The following EXOC4 variants were observed in gnomAD, a reference collection of about 807,000 sequenced individuals.
EXOC4 encodes exocyst complex component 4.
EXOC4 carries 71 observed loss-of-function variants against 107.2 expected under a neutral mutation model. That is an observed-to-expected ratio of 0.66 (90% CI 0.55 to 0.81). EXOC4 has a LOEUF of 0.81. Ranked by LOEUF, EXOC4 falls within the 30% of genes least tolerant of loss-of-function variation. The probability of loss-of-function intolerance (pLI) is 0.00; values close to 1 mark genes in which losing one functional copy is unlikely to be tolerated. For synonymous variants in EXOC4, 456 were observed against 441.2 expected (o/e 1.03, Z -0.42); for missense variants, 1,108 against 1,189.6 (o/e 0.93, Z 1.01).
chr7:133,363,287 G>A (rs1286473156), intron 6 of EXOC4, among the ~76,000 whole-genome samples: 1 of 152,002 alleles, frequency 6.6e-6, no homozygotes, highest in African/African-American at 2.4e-5. Flanking sequence ...CAAATGAAAG[G>A]ATAATTTTTT....
chr7:133,988,967 T>C (rs1430829731), intron 14 of EXOC4, among the ~76,000 whole-genome samples: 1 of 152,122 alleles, frequency 6.6e-6, no homozygotes, highest in East Asian at 1.9e-4. Context: ...GTGTTTTGGG[T>C]AAATAACTTA....
chr7:133,813,592 G>C (rs946207593), intron 10 of EXOC4, among the ~76,000 whole-genome samples: 1 of 151,968 alleles, frequency 6.6e-6, no homozygotes, highest in Non-Finnish European at 1.5e-5. Context: ...AGCAGGATGT[G>C]GTATTTGGAG....
chr7:134,002,061 G>C (rs1187991646), intron 15 of EXOC4, among the ~76,000 whole-genome samples: 1 of 152,178 alleles, frequency 6.6e-6, no homozygotes, highest in Non-Finnish European at 1.5e-5. Context: ...TCCAGAGTTG[G>C]TCAACTTTCA....
intron 7 of EXOC4, among the ~76,000 whole-genome samples, chr7:133,450,179 T>A (rs1291649300): frequency 3.3e-5 from 5 of 152,222 alleles, no homozygotes; most frequent in South Asian, 2.1e-4. Context: ...GGGTTATTAT[T>A]ATTTTTTTTT....
intron 9 of EXOC4, among the ~76,000 whole-genome samples, chr7:133,606,652 T>A (rs1801956085): frequency 6.6e-6 from 1 of 151,698 alleles, no homozygotes; most frequent in Non-Finnish European, 1.5e-5. Flanking sequence ...GTAGCTAGGA[T>A]TATAGGTGTG....
chr7:133,796,324 G>A (rs1390360777), intron 10 of EXOC4, among the ~76,000 whole-genome samples: 1 of 152,252 alleles, frequency 6.6e-6, no homozygotes, highest in East Asian at 1.9e-4. Context: ...ACAGGTTGTG[G>A]GGGAAAGGCT....
At chr7:133,906,555 C>G (rs985342628) in intron 12 of EXOC4, among the ~76,000 whole-genome samples, 2 of 152,234 alleles carry the variant, frequency 1.3e-5, no homozygotes, top group African/African-American at 4.8e-5. Context: ...CCCAGGCATT[C>G]GAGCCGGCAA....
At chr7:133,342,969 C>T (rs974262690) in intron 5 of EXOC4, among the ~76,000 whole-genome samples, 1 of 152,058 alleles carries the variant, frequency 6.6e-6, no homozygotes, top group African/African-American at 2.4e-5. Flanking sequence ...TCACCTTTTG[C>T]TGGTGCCTCC....
the EXOC4 span, among the ~76,000 whole-genome samples, chr7:134,074,134 C>T: frequency 6.6e-6 from 1 of 152,202 alleles, no homozygotes; most frequent in Non-Finnish European, 1.5e-5. Context: ...CTCTTCTCAG[C>T]TTTGGGGGAC....
intron 17 of EXOC4, among the ~76,000 whole-genome samples, chr7:134,014,113 G>A (rs1794837961): frequency 6.6e-6 from 1 of 152,156 alleles, no homozygotes; most frequent in Non-Finnish European, 1.5e-5. Context: ...TAGCCAAAAA[G>A]TATAAACAGG....
At chr7:133,799,216 G>A (rs994648220) in intron 10 of EXOC4, among the ~76,000 whole-genome samples, 1 of 152,098 alleles carries the variant, frequency 6.6e-6, no homozygotes, top group Non-Finnish European at 1.5e-5. Context: ...CTCCAAAAGA[G>A]GTATCCCCCC....
rs1236211801 is a variant in EXOC4 at position 134,064,615 on chromosome 7, G to C, written c.*87G>C. 1.6e-5 allele frequency: 14 copies of C among 895,744 alleles called. No individual in the cohort carries two copies. Among genetic ancestry groups the C allele is most frequent in the Non-Finnish European group, 2.3e-5 (14 of 598,200 alleles). 55.5% of individuals were successfully genotyped at this position (895,744 alleles called of 1,614,324 possible). A position where few individuals can be genotyped will look rare whatever the true frequency, so the allele number is the denominator to read the frequency against. ...TGTTATTGAGTATATTCTGAGCTTA[G>C]TTTTCTCTACAGTGATACTTTAGTG... is the stretch of plus-strand genomic sequence containing the variant. On this transcript the variant is annotated 3_prime_UTR_variant, in exon 18 of 18. Coordinates refer to ENST00000253861, the MANE Select transcript of EXOC4 (RefSeq NM_021807.4).
At chr7:133,450,481 A>G (rs776038118) in intron 7 of EXOC4, among the ~76,000 whole-genome samples, 12 of 152,178 alleles carry the variant, frequency 7.9e-5, no homozygotes, top group Admixed American at 5.9e-4. Context: ...CTTGAAATGT[A>G]TCTTTTCCTC....
At chr7:133,471,235 A>G (rs1449473564) in intron 7 of EXOC4, among the ~76,000 whole-genome samples, 1 of 152,050 alleles carries the variant, frequency 6.6e-6, no homozygotes, top group Non-Finnish European at 1.5e-5. Flanking sequence ...AACATGGTGA[A>G]ACCCAGTCTC....
chr7:133,416,250 A>G (rs1015707407), intron 7 of EXOC4, among the ~76,000 whole-genome samples: 2 of 152,196 alleles, frequency 1.3e-5, no homozygotes, highest in African/African-American at 4.8e-5. Context: ...GATGGAGCTA[A>G]GAAGTTTGCC....
At chr7:133,580,901 T>C (rs1585010889) in intron 9 of EXOC4, among the ~76,000 whole-genome samples, 1 of 152,214 alleles carries the variant, frequency 6.6e-6, no homozygotes, top group African/African-American at 2.4e-5. Flanking sequence ...TGGCAAGTCA[T>C]AGGTGTTCAA....
At chr7:133,715,158 A>G (rs1794974345) in intron 10 of EXOC4, among the ~76,000 whole-genome samples, 1 of 152,154 alleles carries the variant, frequency 6.6e-6, no homozygotes, top group East Asian at 1.9e-4. Flanking sequence ...CAGTATCTCT[A>G]ATTCCAAACT....
rs1451530749 is a variant in EXOC4, at chr7:134,065,165, A to G, written c.*637A>G. 1 of 152,570 alleles carries G rather than the reference A, an allele frequency of 6.6e-6. No individual in the cohort carries two copies. Among genetic ancestry groups the G allele is most frequent in the African/African-American group, 2.4e-5 (1 of 41,434 alleles). The allele number at this position is 152,570 out of a possible 1,614,324, so 9.5% of individuals were successfully genotyped here. A position where few individuals can be genotyped will look rare whatever the true frequency, so the allele number is the denominator to read the frequency against. On this transcript the variant is annotated 3_prime_UTR_variant, in exon 18 of 18. Coordinates refer to ENST00000253861, the MANE Select transcript of EXOC4 (RefSeq NM_021807.4). ...GACAGTTTTGTATGCTGTATCTTGT[A>G]CACAGGTTGTAGGTTGGTTTATTGC... is the stretch of plus-strand genomic sequence containing the variant.
chr7:133,306,074 C>G lies in EXOC4; in HGVS notation c.656+13C>G. 6.2e-7 allele frequency: 1 copy of G among 1,603,044 alleles called. No individual in the cohort carries two copies. Among genetic ancestry groups the G allele is most frequent in the Non-Finnish European group, 8.5e-7 (1 of 1,173,764 alleles). On this transcript the variant is annotated intron_variant, in intron 4 of 17. Coordinates refer to ENST00000253861, the MANE Select transcript of EXOC4 (RefSeq NM_021807.4). Reference sequence around the variant, plus strand: ...AAGGGAAAATCAGGTTAAAGAGGCTCTTTGCTATAAGTGTCTTGTGGCAGT... The same window carrying G: ...AAGGGAAAATCAGGTTAAAGAGGCTGTTTGCTATAAGTGTCTTGTGGCAGT...
Sources: gnomAD v4.1 joint callset for allele counts (sites outside exome capture counted in the v4.1 genomes callset) on GRCh38, gnomAD v4.1.1 for gene constraint, MANE v1.5 for transcripts, NCBI Gene and HGNC (gene_info 2026-07-23, HGNC 2026-07-21) for gene names.